Variants in PTPN5 observed in about 807,000 individuals in gnomAD.
PTPN5 encodes tyrosine-protein phosphatase non-receptor type 5.
In PTPN5, 29 loss-of-function variants were observed where a neutral mutation model predicts 73.9. That is an observed-to-expected ratio of 0.39 (90% confidence interval 0.29 to 0.54). PTPN5 has a LOEUF of 0.54. PTPN5 is among the 20% of genes least tolerant of loss of function. PTPN5 has a pLI of 0.65. For synonymous variants in PTPN5, 267 were observed against 304.7 expected (o/e 0.88, Z 1.29); for missense variants, 652 against 751.4 (o/e 0.87, Z 1.55).
chr11:18,733,247 C>T lies in PTPN5; in HGVS notation c.1206G>A (p.Glu402=). 3 of 1,613,058 alleles carry T rather than the reference C, an allele frequency of 1.9e-6. No homozygotes were observed. Among genetic ancestry groups the T allele is most frequent in the Non-Finnish European group, 1.7e-6 (2 of 1,179,134 alleles). The change falls in exon 11 of 15, where the codon GAG becomes GAA. Residue 402 remains glutamate (E), a synonymous_variant. Transcript: ENST00000358540. The surrounding 1 kb of genome is among the most constrained non-coding windows in gnomAD (Gnocchi z 4.3). ...CGGGGGTCCCTACCTCGTTCATCTC[C>T]TCGATGTTGGTGATCATGACAATGA... ...TPIIVMITNI[E]EMNEKCTEYW... is the part of the protein sequence containing the mutation.
intron 1 of PTPN5, among the ~76,000 whole-genome samples, chr11:18,776,935 G>C (rs1306893626): frequency 6.6e-6 from 1 of 152,172 alleles, no homozygotes; most frequent in African/African-American, 2.4e-5. Context: ...GCCGAGGTGG[G>C]CAGATCACCT....
intron 8 of PTPN5, among the ~76,000 whole-genome samples, chr11:18,739,676 C>T (rs139267477): frequency 1.9e-4 from 29 of 152,344 alleles, no homozygotes; most frequent in Non-Finnish European, 4.3e-4. Flanking sequence ...AGGGAGGAGG[C>T]ACCTGCTTCT....
rs965065977 is a variant in PTPN5 at position 18,729,292 on chromosome 11, C to G, written c.1604+161G>C. Among the ~76,000 whole-genome samples the G allele has an allele frequency of 6.6e-6, 1 of 152,154 alleles. No individual in the cohort carries two copies. The highest frequency in any genetic ancestry group is 6.5e-5 in the Admixed American group (1 of 15,282). ...GGCCCCCCACTGTCTGGATCCTGCC[C>G]CTCTACCCAGCTGTCCTCGCTACTC... is the stretch of plus-strand genomic sequence containing the variant. On this transcript the variant is annotated intron_variant, in intron 14 of 14. Transcript: ENST00000358540. This position sits in a 1 kb window ranked among gnomAD's most constrained non-coding sequence, Gnocchi z 5.2.
At chr11:18,748,573 C>T (rs1385150701) in intron 3 of PTPN5, among the ~76,000 whole-genome samples, 1 of 151,886 alleles carries the variant, frequency 6.6e-6, no homozygotes, top group Non-Finnish European at 1.5e-5. Flanking sequence ...GTTTCAAACA[C>T]ACTCTATATT....
intron 2 of PTPN5, among the ~76,000 whole-genome samples, chr11:18,770,951 G>T (rs1003369895): frequency 6.6e-6 from 1 of 152,098 alleles, no homozygotes; most frequent in African/African-American, 2.4e-5. Context: ...GGGGGATGGG[G>T]GGTGCTATTA....
At chr11:18,730,517 G>C (rs997793613) in intron 12 of PTPN5, 1 of 152,266 alleles carries the variant, frequency 6.6e-6, no homozygotes, top group Non-Finnish European at 1.5e-5. Context: ...CCTTTGCGAG[G>C]TGATGAAGTC....
intron 3 of PTPN5, among the ~76,000 whole-genome samples, chr11:18,745,974 G>C (rs1360614687): frequency 1.1e-4 from 16 of 151,430 alleles, no homozygotes; most frequent in Admixed American, 1.1e-3. Context: ...TTCCATGAAG[G>C]CAGAGTGGTA....
intron 2 of PTPN5, among the ~76,000 whole-genome samples, chr11:18,766,800 A>C (rs1355906689): frequency 6.6e-6 from 1 of 152,076 alleles, no homozygotes; most frequent in Non-Finnish European, 1.5e-5. Context: ...CATGTCTCTG[A>C]CCCTTGGCAG....
intron 2 of PTPN5, among the ~76,000 whole-genome samples, chr11:18,769,399 AATT>A (rs1850777569): frequency 6.6e-6 from 1 of 150,864 alleles, no homozygotes; most frequent in African/African-American, 2.5e-5. Context: ...TTTTTTTTTA[AATT>A]AATTAATTAA....
intron 2 of PTPN5, among the ~76,000 whole-genome samples, chr11:18,768,606 T>C (rs1330795958): frequency 6.6e-6 from 1 of 152,228 alleles, no homozygotes; most frequent in Non-Finnish European, 1.5e-5. Flanking sequence ...CAGTGCTTCA[T>C]GTGTGCAGTG....
At chr11:18,731,959 G>A (rs1220086062) in intron 12 of PTPN5, among the ~76,000 whole-genome samples, 2 of 152,134 alleles carry the variant, frequency 1.3e-5, no homozygotes, top group Non-Finnish European at 2.9e-5. Flanking sequence ...CACTAATCCC[G>A]ATTTCAAAGG....
chr11:18,741,459 C>A (rs1448925953), intron 7 of PTPN5, among the ~76,000 whole-genome samples: 1 of 152,194 alleles, frequency 6.6e-6, no homozygotes, highest in Non-Finnish European at 1.5e-5. Context: ...GTTGTCCAGG[C>A]TCTCCCAGTA....
chr11:18,753,993 A>C (rs1467133684), intron 3 of PTPN5, among the ~76,000 whole-genome samples: 1 of 152,240 alleles, frequency 6.6e-6, no homozygotes, highest in Non-Finnish European at 1.5e-5. Flanking sequence ...GCAACAAAAA[A>C]CACACATTAA....
At chr11:18,767,707 T>G (rs1395744669) in intron 2 of PTPN5, among the ~76,000 whole-genome samples, 2 of 152,246 alleles carry the variant, frequency 1.3e-5, no homozygotes, top group Non-Finnish European at 2.9e-5. Context: ...CTAGAATCAA[T>G]TCCTCAGAAC....
At chr11:18,777,937 C>A (rs1851236476) in intron 1 of PTPN5, among the ~76,000 whole-genome samples, 2 of 149,692 alleles carry the variant, frequency 1.3e-5, no homozygotes, top group African/African-American at 4.9e-5. Context: ...AGGGCGAGAC[C>A]CTGTCAGAAA....
chr11:18,735,451 G>A (rs1257412600), intron 9 of PTPN5, among the ~76,000 whole-genome samples: 2 of 152,142 alleles, frequency 1.3e-5, no homozygotes, highest in Non-Finnish European at 2.9e-5. Flanking sequence ...GCACAGTGCA[G>A]GGTAGGGAGT....
At chr11:18,751,138 G>A (rs1271530295) in intron 3 of PTPN5, among the ~76,000 whole-genome samples, 2 of 152,226 alleles carry the variant, frequency 1.3e-5, no homozygotes, top group African/African-American at 4.8e-5. Context: ...GGAACAGCCT[G>A]GCCTTGCTGG....
At chr11:18,745,496 T>C (rs1428462302) in intron 3 of PTPN5, among the ~76,000 whole-genome samples, 1 of 152,166 alleles carries the variant, frequency 6.6e-6, no homozygotes, top group African/African-American at 2.4e-5. Context: ...TGCTTTGACA[T>C]GCTGTTCTCT....
intron 1 of PTPN5, among the ~76,000 whole-genome samples, chr11:18,774,335 G>A (rs1166488233): frequency 6.6e-5 from 10 of 152,208 alleles, no homozygotes; most frequent in Admixed American, 2.0e-4. Flanking sequence ...AGCAGGTGTA[G>A]ACAAAGGGCT....
Sources: gnomAD v4.1 joint callset for allele counts (sites outside exome capture counted in the v4.1 genomes callset) on GRCh38, gnomAD v4.1.1 for gene constraint, Gnocchi (gnomAD v3.1) non-coding constraint, MANE v1.5 for transcripts, NCBI Gene and HGNC (gene_info 2026-07-23, HGNC 2026-07-21) for gene names.